The following CELF2 variants were observed in gnomAD, a reference collection of about 807,000 sequenced individuals.
CELF2 encodes the protein CUG triplet repeat RNA-binding protein 2.
A neutral mutation model predicts 62.6 loss-of-function variants in CELF2; 8 were observed. That is an observed-to-expected ratio of 0.13 (90% CI 0.07 to 0.23). The LOEUF is 0.23. Among genes scored for constraint, CELF2 ranks in the 10% least tolerant of loss-of-function variants. The probability of loss-of-function intolerance (pLI) is 1.00; values close to 1 mark genes in which losing one functional copy is unlikely to be tolerated. For missense variants in CELF2, 333 were observed against 671.0 expected, an observed-to-expected ratio of 0.50 and a Z score of 5.56; for synonymous variants, 258 against 250.0, an observed-to-expected ratio of 1.03 and a Z score of -0.30.
At chr10:11,044,705 C>A (rs754219649) in intron 1 of CELF2, among the ~76,000 whole-genome samples, 1 of 152,098 alleles carries the variant, frequency 6.6e-6, no homozygotes, top group African/African-American at 2.4e-5. Context: ...TTACAATACC[C>A]TAGGATATAC....
the CELF2 span, among the ~76,000 whole-genome samples, chr10:10,659,062 T>C: frequency 6.6e-6 from 1 of 152,188 alleles, no homozygotes; most frequent in African/African-American, 2.4e-5. Flanking sequence ...CTCTGATTAT[T>C]GGAAAAATCA....
At chr10:10,523,121 G>A in the CELF2 span, among the ~76,000 whole-genome samples, 1 of 152,170 alleles carries the variant, frequency 6.6e-6, no homozygotes, top group South Asian at 2.1e-4. Context: ...GATGAGTCAG[G>A]GAAGAGCTGG....
At chr10:11,018,637 C>A (rs1332587523) in intron 1 of CELF2, 10 of 109,280 alleles carry the variant, frequency 9.2e-5, no homozygotes, top group African/African-American at 3.5e-4. Context: ...GGGGACCGGG[C>A]GGGGTCTGGG....
intron 2 of CELF2, among the ~76,000 whole-genome samples, chr10:11,172,453 G>T (rs189876699): frequency 4.6e-5 from 7 of 152,268 alleles, no homozygotes. Flanking sequence ...TACTGATACT[G>T]ACTCTAGCCA....
intron 1 of CELF2, among the ~76,000 whole-genome samples, chr10:10,860,242 C>T (rs574074640): frequency 2.0e-5 from 3 of 152,270 alleles, no homozygotes; most frequent in Admixed American, 2.0e-4. Flanking sequence ...CTCTGGAAAA[C>T]TCCACAGTGC....
At chr10:10,545,120 G>A in the CELF2 span, among the ~76,000 whole-genome samples, 21 of 152,296 alleles carry the variant, frequency 1.4e-4, 1 homozygote, top group Non-Finnish European at 2.9e-5. Flanking sequence ...GAACACTGAC[G>A]AGGAAGACAA....
chr10:10,892,069 A>C (rs956751385), intron 1 of CELF2, among the ~76,000 whole-genome samples: 2 of 152,236 alleles, frequency 1.3e-5, no homozygotes, highest in Non-Finnish European at 2.9e-5. Flanking sequence ...ATGCAAAAAA[A>C]ACCTTTATTT....
intron 1 of CELF2, among the ~76,000 whole-genome samples, chr10:11,042,687 T>TC (rs1467646061): frequency 6.6e-6 from 1 of 152,106 alleles, no homozygotes; most frequent in African/African-American, 2.4e-5. Flanking sequence ...AAGGGTCACC[T>TC]CCCCCACCCC....
upstream of CELF2, chr10:10,798,565 G>A (rs2054305886): frequency 2.5e-6 from 1 of 393,192 alleles, no homozygotes; most frequent in Non-Finnish European, 4.5e-6. Flanking sequence ...GTGTGGAGCT[G>A]GGAGCCGGGT....
At chr10:10,569,732 A>G in the CELF2 span, among the ~76,000 whole-genome samples, 1 of 152,156 alleles carries the variant, frequency 6.6e-6, no homozygotes, top group Admixed American at 6.5e-5. Context: ...GACTTCTTGG[A>G]ATGACTCCTG....
the CELF2 span, among the ~76,000 whole-genome samples, chr10:10,640,417 T>G: frequency 1.3e-5 from 2 of 152,228 alleles, no homozygotes; most frequent in African/African-American, 4.8e-5. Context: ...ATCAAGACTT[T>G]CCCAATTGTT....
At chr10:11,174,973 G>T (rs1458443178) in intron 2 of CELF2, among the ~76,000 whole-genome samples, 1 of 152,130 alleles carries the variant, frequency 6.6e-6, no homozygotes, top group East Asian at 1.9e-4. Flanking sequence ...TTCTGTGTAG[G>T]GGATGCCTTA....
In CELF2 at chr10:10,954,039, A is replaced by C. The variant is rs114491755; in HGVS notation, c.89+34040A>C. ...TGCATCACACACTCCTAATAAAGCAAATGCAAATTAAACTCCATCGTGATA... is the reference window on the plus strand; with the variant it reads ...TGCATCACACACTCCTAATAAAGCACATGCAAATTAAACTCCATCGTGATA... On this transcript the variant is annotated intron_variant, in intron 2 of 13. Coordinates refer to the CELF2 transcript ENST00000636488. 6.0e-3 allele frequency among the ~76,000 whole-genome samples: 907 copies of C among 151,920 alleles called. 8 individuals carry two copies. The highest frequency in any genetic ancestry group is 0.021 in the African/African-American group (854 of 41,452).
chr10:10,902,977 G>A (rs897163533), intron 1 of CELF2, among the ~76,000 whole-genome samples: 1 of 151,714 alleles, frequency 6.6e-6, no homozygotes, highest in Non-Finnish European at 1.5e-5. Context: ...GGAGAAGAAG[G>A]GAGGAAGAAA....
intron 1 of CELF2, among the ~76,000 whole-genome samples, chr10:10,829,111 G>A (rs1483044851): frequency 6.6e-6 from 1 of 152,186 alleles, no homozygotes; most frequent in Non-Finnish European, 1.5e-5. Context: ...TTGAGGAATG[G>A]TTCATTGTCA....
At chr10:10,490,092 G>GA in the CELF2 span, among the ~76,000 whole-genome samples, 12 of 151,900 alleles carry the variant, frequency 7.9e-5, no homozygotes, top group Admixed American at 3.9e-4. Flanking sequence ...TGTCATGGGG[G>GA]AAAAAATCAC....
chr10:10,552,015 C>G, the CELF2 span, among the ~76,000 whole-genome samples: 3 of 152,030 alleles, frequency 2.0e-5, no homozygotes, highest in Non-Finnish European at 2.9e-5. Context: ...TCTGCAGAGC[C>G]CCAGAGAGGA....
At chr10:11,043,609 ACTAAATGGTTAGCCAG>A (rs1226910186) in intron 1 of CELF2, among the ~76,000 whole-genome samples, 1 of 151,692 alleles carries the variant, frequency 6.6e-6, no homozygotes, top group Non-Finnish European at 1.5e-5. Context: ...TCTCCATCTC[ACTAAATGGTTAGCCAG>A]CTGCTCCGGG....
the CELF2 span, among the ~76,000 whole-genome samples, chr10:10,640,404 T>C: frequency 1.3e-5 from 2 of 152,334 alleles, no homozygotes; most frequent in East Asian, 3.9e-4. Flanking sequence ...CTCTTAATCA[T>C]GCATCAAGAC....
Sources: gnomAD v4.1 joint callset for allele counts (sites outside exome capture counted in the v4.1 genomes callset) on GRCh38, gnomAD v4.1.1 for gene constraint, MANE v1.5 for transcripts, NCBI Gene and HGNC (gene_info 2026-07-23, HGNC 2026-07-21) for gene names.